Variants in ACIN1 observed in about 807,000 individuals in gnomAD.
ACIN1 encodes the protein apoptotic chromatin condensation inducer in the nucleus.
ACIN1 carries 16 observed loss-of-function variants against 146.6 expected under a neutral mutation model. The observed-to-expected ratio is 0.11, with a 90% CI of 0.07 to 0.17. The LOEUF (loss-of-function observed/expected upper bound fraction) is 0.17. ACIN1 is among the 10% of genes least tolerant of loss of function. The pLI, the probability that ACIN1 is intolerant of heterozygous loss-of-function variation, is 1.00. For missense variants in ACIN1, 1,357 were observed against 1,609.3 expected (o/e 0.84, Z 2.68); for synonymous variants, 569 against 582.7 (o/e 0.98, Z 0.34).
intron 1 of ACIN1, 90 bp downstream of exon 1, chr14:23,094,885 C>T: frequency 2.0e-6 from 3 of 1,488,692 alleles, no homozygotes; most frequent in Non-Finnish European, 2.7e-6. Context: ...GAGCTCGCGC[C>T]GAGCCCGGAT....
intron 8 of ACIN1, among the ~76,000 whole-genome samples, chr14:23,069,938 A>G (rs1220373896): frequency 6.6e-6 from 1 of 152,122 alleles, no homozygotes; most frequent in African/African-American, 2.4e-5. Flanking sequence ...ATGAAAGGAG[A>G]AAAACCCTCC....
At chr14:23,075,638 T>G (rs1320866596) in intron 8 of ACIN1, among the ~76,000 whole-genome samples, 1 of 151,972 alleles carries the variant, frequency 6.6e-6, no homozygotes, top group Non-Finnish European at 1.5e-5. Flanking sequence ...ACTGCTCTGT[T>G]TTTTAAAGTC....
intron 4 of ACIN1, among the ~76,000 whole-genome samples, chr14:23,089,087 C>G (rs909332924): frequency 2.0e-5 from 3 of 152,194 alleles, no homozygotes; most frequent in African/African-American, 7.2e-5. Flanking sequence ...ATTGTCCAGG[C>G]TGAAGTGCAA....
In ACIN1 at chr14:23,059,057, C is replaced by T; in HGVS notation, c.*91G>A. On this transcript the variant is annotated 3_prime_UTR_variant, in exon 19 of 19. Transcript: ENST00000605057. ...GATAGGTGATGTGAAAGACCCTTGG[C>T]TCCAGGGTGGTGGAGACTGTGCCTA... is the stretch of plus-strand genomic sequence containing the variant. 1 of 1,265,284 alleles carries T rather than the reference C, an allele frequency of 7.9e-7. No homozygotes were observed. Among genetic ancestry groups the T allele is most frequent in the Non-Finnish European group, 1.1e-6 (1 of 893,486 alleles). 78.4% of individuals were successfully genotyped at this position (1,265,284 alleles called of 1,614,324 possible).
At chr14:23,064,674 G>A in intron 10 of ACIN1, 186 bp from the exon 11 acceptor site, 3 of 697,834 alleles carry the variant, frequency 4.3e-6, no homozygotes, top group East Asian at 2.9e-5. Context: ...CAAGGCGGGT[G>A]GATCACGAGG....
intron 4 of ACIN1, among the ~76,000 whole-genome samples, chr14:23,085,584 G>A (rs2048070784): frequency 6.6e-6 from 1 of 152,174 alleles, no homozygotes; most frequent in Non-Finnish European, 1.5e-5. Flanking sequence ...TGTTCAGAAA[G>A]TTCTGGTCAT....
chr14:23,075,539 G>C (rs1028012522), intron 8 of ACIN1, among the ~76,000 whole-genome samples: 1 of 151,546 alleles, frequency 6.6e-6, no homozygotes, highest in East Asian at 1.9e-4. Context: ...AATCAGAATG[G>C]ATTTAACCAA....
In ACIN1 at chr14:23,068,839, C is replaced by T; in HGVS notation, c.2265+637G>A. On this transcript the variant is annotated intron_variant, in intron 9 of 18. Transcript: ENST00000605057. The surrounding 1 kb of genome is among the most constrained non-coding windows in gnomAD (Gnocchi z 4.3). ...CTCCTAAACCCAGCTCATTCTTTCT[C>T]AATTACTTTAAGAGCCAAGAAGACT... is the stretch of plus-strand genomic sequence containing the variant. 4.1e-6 allele frequency: 4 copies of T among 985,458 alleles called. No individual in the cohort carries two copies. Among genetic ancestry groups the T allele is most frequent in the Non-Finnish European group, 4.8e-6 (4 of 829,956 alleles). 61.0% of individuals were successfully genotyped at this position (985,458 alleles called of 1,614,324 possible).
chr14:23,095,360 C>T (rs765122343), upstream of ACIN1: 11 of 1,515,644 alleles, frequency 7.3e-6, no homozygotes, highest in African/African-American at 1.4e-5. Flanking sequence ...CGGTTTTCTT[C>T]GTCTTGCCGA....
chr14:23,063,057 A>G lies in ACIN1; in HGVS notation c.2755T>C (p.Leu919=). Residue 919 remains leucine, a synonymous_variant, in exon 14 of 19, where the codon TTA becomes CTA. Transcript: ENST00000605057. ...TGCTGGCTAATGGAACGTCGAGTTA[A>G]GGTATCTCCTAAAGTCACTATCAAG... ...EVKKVTLGDT[L]TRRSISQQKS... is the part of the protein sequence containing the mutation. 8 of 1,612,390 alleles carry G rather than the reference A, an allele frequency of 5.0e-6. No homozygotes were observed. The highest frequency in any genetic ancestry group is 6.8e-6 in the Non-Finnish European group (8 of 1,179,452).
chr14:23,078,689 G>A, intron 7 of ACIN1, 131 bp downstream of exon 7: 2 of 986,352 alleles, frequency 2.0e-6, no homozygotes, highest in Non-Finnish European at 2.9e-6. Context: ...AGTTAAGCAG[G>A]ATTAACAGGT....
Position 23,068,378 on chromosome 14 carries a change from T to C in ACIN1, c.2265+1098A>G, listed in dbSNP as rs2047522435. 1 of 985,898 alleles carries C rather than the reference T, an allele frequency of 1.0e-6. No individual in the cohort carries two copies. Among genetic ancestry groups the C allele is most frequent in the Non-Finnish European group, 1.2e-6 (1 of 829,972 alleles). The allele number at this position is 985,898 out of a possible 1,614,324, so 61.1% of individuals were successfully genotyped here. On this transcript the variant is annotated intron_variant, in intron 9 of 18. Coordinates refer to ENST00000605057, the MANE Select transcript of ACIN1 (RefSeq NM_001386863.1). This position sits in a 1 kb window ranked among gnomAD's most constrained non-coding sequence, Gnocchi z 4.3. Reference sequence around the variant, plus strand: ...CAAGCTCTTCTTGGGGTGTCCCAAGTAGGGAGATGATGCAAGTCCACCCCT... The same window carrying C: ...CAAGCTCTTCTTGGGGTGTCCCAAGCAGGGAGATGATGCAAGTCCACCCCT...
At position 23,059,421 on chromosome 14, in the gene ACIN1, C is replaced by T. The variant is rs1384275008; in HGVS notation, c.3579G>A (p.Arg1193=). ...RAERAKEREK[R]RKEQEEEEQK... is the part of the protein sequence containing the mutation. ...GCTCTTCTTCTTCTTGCTCCTTTCGCCGCTTCTCCCGCTCCTTGGCCCGTT... is the reference window on the plus strand; with the variant it reads ...GCTCTTCTTCTTCTTGCTCCTTTCGTCGCTTCTCCCGCTCCTTGGCCCGTT... The change falls in exon 19 of 19, where the codon CGG becomes CGA. Residue 1193 remains arginine (R), a synonymous_variant. Transcript: ENST00000605057. The T allele has an allele frequency of 6.2e-7, 1 of 1,613,884 alleles. No individual in the cohort carries two copies. The highest frequency in any genetic ancestry group is 1.7e-5 in the Admixed American group (1 of 59,974).
intron 10 of ACIN1, among the ~76,000 whole-genome samples, chr14:23,064,875 T>C (rs2047400266): frequency 7.7e-6 from 1 of 130,152 alleles, no homozygotes; most frequent in Non-Finnish European, 1.5e-5. Flanking sequence ...TCCAGCCTGG[T>C]GACAGAGCAA....
intron 17 of ACIN1, 53 bp from the exon 18 acceptor site, chr14:23,061,237 C>G: frequency 1.2e-6 from 2 of 1,613,790 alleles, no homozygotes; most frequent in East Asian, 4.5e-5. Context: ...TCTGTCCCAT[C>G]CCATCTGGGT....
At chr14:23,064,326 C>T in intron 11 of ACIN1, 29 bp downstream of exon 11, 3 of 1,614,014 alleles carry the variant, frequency 1.9e-6, no homozygotes, top group Non-Finnish European at 2.5e-6. Flanking sequence ...CAGGTCTCAT[C>T]CTCCCTTCCC....
At chr14:23,079,464 C>A in intron 6 of ACIN1, 83 bp downstream of exon 6, 1 of 1,550,364 alleles carries the variant, frequency 6.5e-7, no homozygotes, top group Non-Finnish European at 8.7e-7. Context: ...TTTCAGAAAT[C>A]ATGACAGGCT....
chr14:23,080,849 TCA>T (rs764146671), intron 5 of ACIN1, 40 bp from the exon 6 acceptor site: 3 of 1,551,460 alleles, frequency 1.9e-6, no homozygotes, highest in Non-Finnish European at 8.7e-7. Context: ...ATGTATTTGC[TCA>T]CAGTCAACAG....
chr14:23,059,273 C>T lies in ACIN1; in HGVS notation c.3727G>A (p.Asp1243Asn), dbSNP rs374690844. Reference sequence around the variant, plus strand: ...TCCCTTTCCCTATCCCGATCTCGGTCCCCCCTGTCCCGCTCCCTTTCTCTC... The same window carrying T: ...TCCCTTTCCCTATCCCGATCTCGGTTCCCCCTGTCCCGCTCCCTTTCTCTC... ...RERERERDRG[D>N]RDRDRERDRE... Residue 1243 changes from aspartate (D) to asparagine (N), a missense_variant, in exon 19 of 19, where the codon GAC becomes AAC. Coordinates refer to ENST00000605057, the MANE Select transcript of ACIN1 (RefSeq NM_001386863.1). 2 of 1,603,962 alleles carry T rather than the reference C, an allele frequency of 1.2e-6. No homozygotes were observed. Among genetic ancestry groups the T allele is most frequent in the South Asian group, 1.1e-5 (1 of 90,898 alleles).
Sources: allele counts gnomAD v4.1 joint callset (sites outside exome capture counted in the v4.1 genomes callset), GRCh38; gene constraint gnomAD v4.1.1; non-coding constraint Gnocchi (gnomAD v3.1); transcripts MANE v1.5; gene names NCBI Gene and HGNC (gene_info 2026-07-23, HGNC 2026-07-21).